Variants in DLGAP4 observed in about 807,000 individuals in gnomAD.
The protein encoded by DLGAP4 is disks large-associated protein 4.
DLGAP4 carries 18 observed loss-of-function variants against 86.9 expected under a neutral mutation model. The ratio of observed to expected loss-of-function variants is 0.21; its 90% confidence interval spans 0.14 to 0.31. The LOEUF (loss-of-function observed/expected upper bound fraction) is 0.31, where lower values mean the gene tolerates loss of function less well. DLGAP4 is among the 10% of genes least tolerant of loss of function. The pLI is 1.00. For synonymous variants in DLGAP4, 548 were observed against 574.3 expected (o/e 0.95, Z 0.65); for missense variants, 1,085 against 1,362.6 (o/e 0.80, Z 3.21).
intron 2 of DLGAP4, among the ~76,000 whole-genome samples, chr20:36,377,236 C>G (rs1444435445): frequency 1.3e-5 from 2 of 152,180 alleles, no homozygotes; most frequent in African/African-American, 4.8e-5. Flanking sequence ...GTAGCGATCT[C>G]CTCATCACTG....
At chr20:36,472,877 C>T (rs1283840583) in intron 7 of DLGAP4, among the ~76,000 whole-genome samples, 1 of 152,172 alleles carries the variant, frequency 6.6e-6, no homozygotes, top group Non-Finnish European at 1.5e-5. Context: ...CACCCTTGCT[C>T]TGGGAGCCTG....
intron 10 of DLGAP4, among the ~76,000 whole-genome samples, chr20:36,519,958 T>G (rs75012636): frequency 7.5e-6 from 1 of 132,596 alleles, no homozygotes; most frequent in Non-Finnish European, 1.5e-5. Flanking sequence ...GCCCAGTTTG[T>G]TTTTTTTTTT....
At chr20:36,489,901 C>A (rs1322628825) in intron 7 of DLGAP4, among the ~76,000 whole-genome samples, 1 of 148,260 alleles carries the variant, frequency 6.7e-6, no homozygotes, top group Non-Finnish European at 1.5e-5. Context: ...CTCTGTCACC[C>A]AGGCTGGAGT....
chr20:36,448,929 G>A lies in DLGAP4; in HGVS notation c.1648+1992G>A, dbSNP rs965792462. 2.0e-5 allele frequency among the ~76,000 whole-genome samples: 3 copies of A among 151,790 alleles called. No individual in the cohort carries two copies. In the South Asian group the frequency reaches 6.3e-4, roughly 32 times the overall value. On this transcript the variant is annotated intron_variant, in intron 7 of 12. Coordinates refer to ENST00000339266, the MANE Select transcript of DLGAP4 (RefSeq NM_001365621.2). Reference sequence around the variant, plus strand: ...AGCCTGGGTGACAGAGCAAGACCTTGTCTCAAAGAAAAAAAAAAGCAATTG... The same window carrying A: ...AGCCTGGGTGACAGAGCAAGACCTTATCTCAAAGAAAAAAAAAAGCAATTG...
chr20:36,446,864 G>A lies in DLGAP4; in HGVS notation c.1575G>A (p.Glu525=). 6.2e-7 allele frequency: 1 copy of A among 1,613,310 alleles called. No individual in the cohort carries two copies. The highest frequency in any genetic ancestry group is 1.1e-5 in the South Asian group (1 of 91,034). The stretch of plus-strand genomic sequence containing the variant: ...TCCAGGCAGGCTGCTCGCAGGAGGA[G>A]GACAGTGTCTCCCTGCAGTCCCTCT... ...RAIQAGCSQE[E]DSVSLQSLSP... The change falls in exon 7 of 13, where the codon GAG becomes GAA. Residue 525 remains glutamate, a synonymous_variant. Transcript: ENST00000339266.
At chr20:36,518,382 T>A (rs936595026) in intron 10 of DLGAP4, among the ~76,000 whole-genome samples, 1 of 152,232 alleles carries the variant, frequency 6.6e-6, no homozygotes, top group Non-Finnish European at 1.5e-5. Flanking sequence ...CAGGGTTTGT[T>A]AATTTTATTA....
intron 4 of DLGAP4, 46 bp downstream of exon 4, chr20:36,436,396 C>A (rs770516671): frequency 2.6e-6 from 4 of 1,528,080 alleles, no homozygotes; most frequent in African/African-American, 2.7e-5. Context: ...GAGGCAAGCC[C>A]CGCCCACTAC....
intron 2 of DLGAP4, among the ~76,000 whole-genome samples, chr20:36,381,779 T>C (rs1334443844): frequency 6.6e-6 from 1 of 152,026 alleles, no homozygotes; most frequent in Non-Finnish European, 1.5e-5. Context: ...CTGGTGATGA[T>C]GGTGGGTGTC....
At chr20:36,449,473 G>A (rs189721761) in intron 7 of DLGAP4, among the ~76,000 whole-genome samples, 2 of 152,088 alleles carry the variant, frequency 1.3e-5, no homozygotes, top group Non-Finnish European at 2.9e-5. Context: ...TGCTGTTACC[G>A]GTAGCCCTGC....
chr20:36,481,288 C>T (rs937842672), intron 7 of DLGAP4, among the ~76,000 whole-genome samples: 1 of 152,156 alleles, frequency 6.6e-6, no homozygotes, highest in Non-Finnish European at 1.5e-5. Context: ...TCCCCACCTT[C>T]CTTTTCCCCT....
chr20:36,496,355 G>A (rs778714926), intron 7 of DLGAP4, among the ~76,000 whole-genome samples: 3 of 152,142 alleles, frequency 2.0e-5, no homozygotes, highest in Non-Finnish European at 2.9e-5. Flanking sequence ...ACCTCCCCAC[G>A]GCACGGGTCA....
chr20:36,490,532 C>G (rs1405745650), intron 7 of DLGAP4, among the ~76,000 whole-genome samples: 3 of 152,174 alleles, frequency 2.0e-5, no homozygotes, highest in Admixed American at 6.5e-5. Context: ...GCAGTACCAG[C>G]AAAGGGAGTT....
At chr20:36,354,805 G>A (rs2030272068) in intron 1 of DLGAP4, among the ~76,000 whole-genome samples, 1 of 152,002 alleles carries the variant, frequency 6.6e-6, no homozygotes, top group African/African-American at 2.4e-5. Context: ...GGCCAGGCGT[G>A]GTGGCGTGTG....
intron 1 of DLGAP4, among the ~76,000 whole-genome samples, chr20:36,317,416 TTTC>T (rs2065119613): frequency 8.1e-6 from 1 of 123,048 alleles, no homozygotes; most frequent in African/African-American, 3.1e-5. Flanking sequence ...TCCTTCCTTC[TTTC>T]TTTTCTTTTC....
chr20:36,432,577 A>G lies in DLGAP4; in HGVS notation c.860A>G (p.Asn287Ser), dbSNP rs748316867. Reference protein sequence around the residue: ...CPSLGVGTDTNYVKRGSWSTL... With the variant: ...CPSLGVGTDTSYVKRGSWSTL... ...AGCCTTGGGGTGGGCACTGACACCA[A>G]CTACGTCAAACGGGGCTCCTGGTCC... The change falls in exon 3 of 13, where the codon AAC becomes AGC. Residue 287 changes from asparagine to serine, a missense_variant. By Grantham distance (46) the Asn-to-Ser change is conservative (BLOSUM62 1). Coordinates refer to ENST00000339266, the MANE Select transcript of DLGAP4 (RefSeq NM_001365621.2). This position sits in a 1 kb window ranked among gnomAD's most constrained non-coding sequence, Gnocchi z 6.5. The G allele has an allele frequency of 1.9e-6, 3 of 1,610,798 alleles. No individual in the cohort carries two copies. The highest frequency in any genetic ancestry group is 3.4e-5 in the Admixed American group (2 of 59,656).
intron 2 of DLGAP4, among the ~76,000 whole-genome samples, chr20:36,429,398 C>CTTTTTTTT (rs151254062): frequency 0.029 from 2,165 of 75,370 alleles, no homozygotes; most frequent in Non-Finnish European, 0.035. Context: ...TTCTTTTTTT[C>CTTTTTTTT]TTTTTTTTTT....
At chr20:36,471,262 G>A (rs1396674189) in intron 7 of DLGAP4, among the ~76,000 whole-genome samples, 1 of 152,126 alleles carries the variant, frequency 6.6e-6, no homozygotes, top group Non-Finnish European at 1.5e-5. Flanking sequence ...TCCAAGGCAG[G>A]CAGATCACAA....
chr20:36,459,279 C>G (rs956353704), intron 7 of DLGAP4, among the ~76,000 whole-genome samples: 3 of 152,196 alleles, frequency 2.0e-5, no homozygotes, highest in African/African-American at 7.2e-5. Flanking sequence ...TCAGAAGGGA[C>G]TGTTAAAATC....
At chr20:36,456,473 A>G (rs1378022195) in intron 7 of DLGAP4, among the ~76,000 whole-genome samples, 3 of 152,206 alleles carry the variant, frequency 2.0e-5, no homozygotes, top group Non-Finnish European at 4.4e-5. Flanking sequence ...GGTAAGTGAC[A>G]GTGAGGTCAG....
Sources: gnomAD v4.1 joint callset for allele counts (sites outside exome capture counted in the v4.1 genomes callset) on GRCh38, gnomAD v4.1.1 for gene constraint, Gnocchi (gnomAD v3.1) non-coding constraint, MANE v1.5 for transcripts, NCBI Gene and HGNC (gene_info 2026-07-23, HGNC 2026-07-21) for gene names.